Variants in REPS2 observed in about 807,000 individuals in gnomAD.
REPS2 encodes ralBP1-associated Eps domain-containing protein 2.
Under a neutral mutation model 53.6 loss-of-function variants are expected in REPS2, and 23 were observed. The ratio of observed to expected loss-of-function variants is 0.43; its 90% CI spans 0.31 to 0.61. The LOEUF (loss-of-function observed/expected upper bound fraction) is 0.61. Among genes scored for constraint, REPS2 ranks in the 20% least tolerant of loss-of-function variants. The probability of loss-of-function intolerance (pLI) is 0.11; values close to 1 mark genes in which losing one functional copy is unlikely to be tolerated. For missense variants in REPS2, 446 were observed against 534.9 expected (o/e 0.83, Z 1.64); for synonymous variants, 238 against 218.6 (o/e 1.09, Z -0.78).
At chrX:17,185,014 A>T in the REPS2 span, among the ~76,000 whole-genome samples, 2 of 111,147 alleles carry the variant, frequency 1.8e-5, no homozygotes, top group Non-Finnish European at 3.8e-5. Flanking sequence ...CACTTACTCA[A>T]TTACTTATGA....
downstream of REPS2, among the ~76,000 whole-genome samples, chrX:17,157,609 C>G (rs1428064200): frequency 9.0e-6 from 1 of 111,425 alleles, no homozygotes; most frequent in Non-Finnish European, 1.9e-5. Flanking sequence ...AGGATGTTGC[C>G]AAATATCCTA....
intron 1 of REPS2, among the ~76,000 whole-genome samples, chrX:16,996,792 G>A (rs2061239962): frequency 8.9e-6 from 1 of 111,965 alleles, no homozygotes; most frequent in African/African-American, 3.3e-5. Flanking sequence ...ATATACTGGT[G>A]TTCCATTTAC....
At chrX:17,047,505 C>A in intron 6 of REPS2, 23 bp downstream of exon 6, 2 of 1,203,973 alleles carry the variant, frequency 1.7e-6, no homozygotes, top group Non-Finnish European at 2.2e-6. Context: ...GCTCCCTAGG[C>A]ATCACTCTCA....
intron 1 of REPS2, among the ~76,000 whole-genome samples, chrX:16,966,587 G>A (rs761299349): frequency 2.9e-4 from 33 of 112,478 alleles, no homozygotes; most frequent in African/African-American, 1.0e-3. Flanking sequence ...TTTTGACTGT[G>A]ACCTGTCACA....
At chrX:17,005,003 A>G (rs1481330927) in intron 1 of REPS2, among the ~76,000 whole-genome samples, 1 of 111,335 alleles carries the variant, frequency 9.0e-6, no homozygotes, top group Non-Finnish European at 1.9e-5. Context: ...CCGGCCTACA[A>G]TTTCTTAATA....
intron 1 of REPS2, among the ~76,000 whole-genome samples, chrX:16,962,013 AG>A (rs1569090423): frequency 9.0e-6 from 1 of 111,710 alleles, no homozygotes; most frequent in African/African-American, 3.3e-5. Flanking sequence ...TGGAGAAAAG[AG>A]AACCCTTTTA....
At chrX:17,087,535 T>C (rs762460548) in intron 13 of REPS2, among the ~76,000 whole-genome samples, 1 of 112,351 alleles carries the variant, frequency 8.9e-6, no homozygotes, top group African/African-American at 3.2e-5. Flanking sequence ...TTGCAAAAGA[T>C]TGTGGCATAA....
chrX:17,184,134 T>C, the REPS2 span, among the ~76,000 whole-genome samples: 4 of 108,045 alleles, frequency 3.7e-5, no homozygotes, highest in South Asian at 1.7e-3. Flanking sequence ...CCCACTAACT[T>C]GTCATCTAGC....
chrX:17,090,209 G>A (rs968715157), intron 13 of REPS2, among the ~76,000 whole-genome samples: 1 of 111,847 alleles, frequency 8.9e-6, no homozygotes, highest in Non-Finnish European at 1.9e-5. Context: ...CTGTTTTCAC[G>A]CTGCTGATAA....
chrX:17,159,474 G>A, the REPS2 span, among the ~76,000 whole-genome samples: 1 of 111,322 alleles, frequency 9.0e-6, no homozygotes, highest in Admixed American at 9.6e-5. Flanking sequence ...GTGGCCTGAA[G>A]GATGGCACCC....
chrX:17,119,628 C>T (rs1042291508), intron 14 of REPS2, among the ~76,000 whole-genome samples: 7 of 111,743 alleles, frequency 6.3e-5, no homozygotes, highest in African/African-American at 2.0e-4. Flanking sequence ...ATGCCCAACA[C>T]TATCTATTCT....
At chrX:17,019,243 T>A (rs992113581) in intron 2 of REPS2, among the ~76,000 whole-genome samples, 1 of 112,536 alleles carries the variant, frequency 8.9e-6, no homozygotes, top group African/African-American at 3.2e-5. Flanking sequence ...CATTTATGTT[T>A]AATATACAAA....
At chrX:17,039,903 G>A (rs1040538952) in intron 5 of REPS2, among the ~76,000 whole-genome samples, 1 of 112,673 alleles carries the variant, frequency 8.9e-6, no homozygotes, top group Non-Finnish European at 1.9e-5. Context: ...ATGAATGCTT[G>A]TTACCTGACA....
At chrX:17,000,167 A>G (rs952555025) in intron 1 of REPS2, among the ~76,000 whole-genome samples, 1 of 111,791 alleles carries the variant, frequency 8.9e-6, no homozygotes. Context: ...GAAAGTTTAT[A>G]GTAACATAGG....
At chrX:16,960,371 A>G (rs1215687783) in intron 1 of REPS2, among the ~76,000 whole-genome samples, 3 of 32,273 alleles carry the variant, frequency 9.3e-5, no homozygotes, top group Admixed American at 5.7e-4. Context: ...GTCTTCAAAG[A>G]AAAAAAAAGA....
the REPS2 span, among the ~76,000 whole-genome samples, chrX:17,192,725 A>T: frequency 8.9e-6 from 1 of 112,201 alleles, no homozygotes; most frequent in Admixed American, 9.4e-5. Context: ...CACTACCCAC[A>T]TGAAGGTATA....
intron 13 of REPS2, among the ~76,000 whole-genome samples, chrX:17,096,385 C>T (rs773318674): frequency 2.7e-5 from 3 of 111,153 alleles, no homozygotes; most frequent in Non-Finnish European, 3.8e-5. Context: ...AGAGGCCGGG[C>T]GCGGTGGCTC....
intron 13 of REPS2, among the ~76,000 whole-genome samples, chrX:17,091,649 G>T (rs992376379): frequency 9.0e-6 from 1 of 111,695 alleles, no homozygotes; most frequent in Non-Finnish European, 1.9e-5. Flanking sequence ...TTGTATTTCG[G>T]GGGGTGGTGT....
chrX:17,081,179 A>C (rs1338161390), intron 13 of REPS2, among the ~76,000 whole-genome samples: 1 of 112,417 alleles, frequency 8.9e-6, no homozygotes, highest in Non-Finnish European at 1.9e-5. Flanking sequence ...AATGAGACTC[A>C]GGATTGTGAA....
Sources: allele counts gnomAD v4.1 joint callset (sites outside exome capture counted in the v4.1 genomes callset), GRCh38; gene constraint gnomAD v4.1.1; transcripts MANE v1.5; gene names NCBI Gene and HGNC (gene_info 2026-07-23, HGNC 2026-07-21).